Variants in SLIT1 observed in about 807,000 individuals in gnomAD.
SLIT1 encodes slit guidance ligand 1, also known as slit homolog 1 protein.
SLIT1 carries 66 observed loss-of-function variants against 186.1 expected under a neutral mutation model. The observed-to-expected ratio is 0.35, with a 90% CI of 0.29 to 0.44. The LOEUF is 0.44. Among genes scored for constraint, SLIT1 ranks in the 20% least tolerant of loss-of-function variants. The probability of loss-of-function intolerance (pLI) is 1.00; values close to 1 mark genes in which losing one functional copy is unlikely to be tolerated. For missense variants in SLIT1, 1,638 were observed against 2,037.4 expected, an observed-to-expected ratio of 0.80 and a Z score of 3.77; for synonymous variants, 761 against 833.8, an observed-to-expected ratio of 0.91 and a Z score of 1.50.
intron 5 of SLIT1, 95 bp downstream of exon 5, chr10:97,065,920 C>T (rs1848940188): frequency 1.1e-6 from 1 of 924,598 alleles, no homozygotes; most frequent in East Asian, 2.6e-5. Flanking sequence ...CCCTGGCTGC[C>T]TGGACCACAC....
chr10:97,063,653 G>C (rs755497169), intron 7 of SLIT1, 35 bp from the exon 8 acceptor site: 3 of 1,554,924 alleles, frequency 1.9e-6, no homozygotes, highest in Non-Finnish European at 1.7e-6. Context: ...AACCCATCTG[G>C]ATCCCCCAGC....
At chr10:97,127,132 A>C (rs1465318626) in intron 4 of SLIT1, among the ~76,000 whole-genome samples, 4 of 151,496 alleles carry the variant, frequency 2.6e-5, no homozygotes, top group Non-Finnish European at 5.9e-5. Flanking sequence ...CTACTAAAAA[A>C]AAAACAAAAA....
At chr10:97,077,757 A>T (rs959124876) in intron 4 of SLIT1, among the ~76,000 whole-genome samples, 6 of 152,158 alleles carry the variant, frequency 3.9e-5, no homozygotes, top group Non-Finnish European at 5.9e-5. Flanking sequence ...GAATGATAAG[A>T]TTCACGGAAT....
chr10:97,163,176 G>T (rs192498706), intron 3 of SLIT1, among the ~76,000 whole-genome samples: 52 of 152,332 alleles, frequency 3.4e-4, no homozygotes, highest in Non-Finnish European at 3.5e-4. Context: ...TGTGGGTTGG[G>T]GACCCACTCC....
chr10:97,037,094 G>A (rs1172445126), intron 22 of SLIT1, among the ~76,000 whole-genome samples: 1 of 138,680 alleles, frequency 7.2e-6, no homozygotes, highest in South Asian at 2.4e-4. Flanking sequence ...GTGTGTGTGT[G>A]TGTGTATGTG....
intron 4 of SLIT1, among the ~76,000 whole-genome samples, chr10:97,090,150 C>G (rs1316858867): frequency 6.6e-6 from 1 of 152,172 alleles, no homozygotes; most frequent in Admixed American, 6.5e-5. Context: ...ATGCTTCCAT[C>G]CCAGTGGGGG....
Position 97,043,074 on chromosome 10 carries a change from G to A in SLIT1, c.1998-7C>T, listed in dbSNP as rs1159844386. On this transcript the variant is annotated splice_region_variant and splice_polypyrimidine_tract_variant and intron_variant, in intron 19 of 36. Transcript: ENST00000266058. This position sits in a 1 kb window ranked among gnomAD's most constrained non-coding sequence, Gnocchi z 7.0. ...AGGGTTGGCCAGGAGATTCCTGGAA[G>A]AGGCAGGCCAGGCGGCCATGGAGAC... 6.2e-7 allele frequency: 1 copy of A among 1,613,240 alleles called. No homozygotes were observed. The highest frequency in any genetic ancestry group is 8.5e-7 in the Non-Finnish European group (1 of 1,179,484).
intron 30 of SLIT1, among the ~76,000 whole-genome samples, chr10:97,012,316 A>C (rs1848419007): frequency 6.6e-6 from 1 of 152,206 alleles, no homozygotes; most frequent in Non-Finnish European, 1.5e-5. Context: ...TTACAGTCTG[A>C]AAAATGTTAC....
At chr10:97,170,148 T>C (rs1850168859) in intron 1 of SLIT1, among the ~76,000 whole-genome samples, 1 of 152,206 alleles carries the variant, frequency 6.6e-6, no homozygotes, top group African/African-American at 2.4e-5. Context: ...GAGTTAAGTG[T>C]TCTTAGTCAC....
intron 4 of SLIT1, among the ~76,000 whole-genome samples, chr10:97,105,762 G>A (rs916848364): frequency 2.0e-5 from 3 of 152,156 alleles, no homozygotes; most frequent in Admixed American, 6.5e-5. Context: ...ATTGTTAGCC[G>A]TGGCCCCTCT....
chr10:97,089,350 G>A (rs1849204094), intron 4 of SLIT1, among the ~76,000 whole-genome samples: 1 of 152,204 alleles, frequency 6.6e-6, no homozygotes, highest in Non-Finnish European at 1.5e-5. Context: ...GCAGCAGTGA[G>A]GGGTGGCAGT....
At position 97,112,933 on chromosome 10, in the gene SLIT1, A is replaced by G. The variant is rs536055643; in HGVS notation, c.413+44885T>C. On this transcript the variant is annotated intron_variant, in intron 4 of 36. Transcript: ENST00000266058. Reference sequence around the variant, plus strand: ...GGTTTCAAACTCCCGGGCTCAAGCAATCCTCCCACCTCGGCCTTTCAAAGC... The same window carrying G: ...GGTTTCAAACTCCCGGGCTCAAGCAGTCCTCCCACCTCGGCCTTTCAAAGC... 7.9e-5 allele frequency among the ~76,000 whole-genome samples: 12 copies of G among 152,292 alleles called. No homozygotes were observed. The South Asian group carries it at 2.1e-3, about 26-fold the overall frequency.
At chr10:97,099,455 G>A (rs545191889) in intron 4 of SLIT1, among the ~76,000 whole-genome samples, 1 of 152,134 alleles carries the variant, frequency 6.6e-6, no homozygotes, top group African/African-American at 2.4e-5. Flanking sequence ...TCCAGGTTGG[G>A]GGGGTGGGGG....
At chr10:97,083,905 G>T (rs1331567107) in intron 4 of SLIT1, among the ~76,000 whole-genome samples, 1 of 152,068 alleles carries the variant, frequency 6.6e-6, no homozygotes, top group Non-Finnish European at 1.5e-5. Flanking sequence ...CAGCTTGGAG[G>T]GGGGATCCAA....
chr10:97,048,865 G>A (rs1353795659), intron 14 of SLIT1, 90 bp downstream of exon 14: 18 of 1,368,896 alleles, frequency 1.3e-5, no homozygotes, highest in Non-Finnish European at 1.7e-5. Context: ...GTGGGCAGGT[G>A]GGCAGGTATG....
At chr10:97,104,960 A>G (rs1258548325) in intron 4 of SLIT1, among the ~76,000 whole-genome samples, 1 of 148,292 alleles carries the variant, frequency 6.7e-6, no homozygotes, top group African/African-American at 2.5e-5. Flanking sequence ...TGAGATGGTG[A>G]CCTACCAAGC....
rs1204806042 is a variant in SLIT1 at position 97,021,286 on chromosome 10, G to A, written c.2710C>T (p.Leu904Phe). The A allele has an allele frequency of 2.5e-6, 4 of 1,614,180 alleles. No homozygotes were observed. The highest frequency in any genetic ancestry group is 3.4e-6 in the Non-Finnish European group (4 of 1,180,002). Residue 904 changes from leucine to phenylalanine, a missense_variant, in exon 26 of 37, where the codon CTC (leucine) becomes TTC (phenylalanine). By Grantham distance (22) the Leu-to-Phe change is conservative. Around this residue, in one of 3 missense-constraint regions of SLIT1, gnomAD observed 1,245 missense variants for 1,535.3 expected, o/e 0.81. Transcript: ENST00000266058. The surrounding 1 kb of genome is among the most constrained non-coding windows in gnomAD (Gnocchi z 4.5). ...AGPQDMEGKL[L>F]LTTPAKKFEC... The stretch of plus-strand genomic sequence containing the variant: ...AACTTCTTGGCAGGCGTGGTGAGGA[G>A]CAGCTTGCCCTCCATGTCCTGGGGC...
chr10:97,183,950 C>T (rs908682018), intron 1 of SLIT1, among the ~76,000 whole-genome samples: 5 of 151,818 alleles, frequency 3.3e-5, no homozygotes, highest in South Asian at 2.1e-4. Flanking sequence ...CCCACAGAAA[C>T]TCAGTTTGGT....
chr10:97,009,281 C>T (rs1423427122), intron 31 of SLIT1, among the ~76,000 whole-genome samples: 1 of 152,184 alleles, frequency 6.6e-6, no homozygotes, highest in Non-Finnish European at 1.5e-5. Flanking sequence ...GTGGCACTAG[C>T]ATCCAGATAG....
Sources: gnomAD v4.1 joint callset for allele counts (sites outside exome capture counted in the v4.1 genomes callset) on GRCh38, gnomAD v4.1.1 for gene constraint, gnomAD v4.1.1 regional missense constraint, Gnocchi (gnomAD v3.1) non-coding constraint, MANE v1.5 for transcripts, NCBI Gene and HGNC (gene_info 2026-07-23, HGNC 2026-07-21) for gene names.